Variants in MGAT4A observed in about 807,000 individuals in gnomAD.
The protein encoded by MGAT4A is N-acetylglucosaminyltransferase IVa.
In MGAT4A, 33 loss-of-function variants were observed where a neutral mutation model predicts 74.1. The observed-to-expected ratio is 0.45, with a 90% confidence interval of 0.34 to 0.60. The LOEUF is 0.60. MGAT4A is among the 20% of genes least tolerant of loss of function. The pLI, the probability that MGAT4A is intolerant of heterozygous loss-of-function variation, is 0.02. For synonymous variants in MGAT4A, 198 were observed against 210.4 expected (o/e 0.94, Z 0.51); for missense variants, 479 against 628.3 (o/e 0.76, Z 2.54).
At chr2:98,631,810 T>A (rs1436161454) in intron 14 of MGAT4A, among the ~76,000 whole-genome samples, 1 of 152,218 alleles carries the variant, frequency 6.6e-6, no homozygotes, top group East Asian at 1.9e-4. Context: ...AGAAAGCTTC[T>A]GTCCTTGTGA....
chr2:98,667,766 C>T (rs2104277974), intron 4 of MGAT4A, among the ~76,000 whole-genome samples: 1 of 152,034 alleles, frequency 6.6e-6, no homozygotes, highest in South Asian at 2.1e-4. Context: ...GTGGCCCAGG[C>T]TGGAGTGCAA....
At chr2:98,684,039 A>G (rs1237535549) in intron 2 of MGAT4A, among the ~76,000 whole-genome samples, 1 of 152,220 alleles carries the variant, frequency 6.6e-6, no homozygotes, top group African/African-American at 2.4e-5. Flanking sequence ...GGGCAACTTC[A>G]TATTCCATCT....
chr2:98,725,486 T>C (rs1477433262), intron 2 of MGAT4A, among the ~76,000 whole-genome samples: 1 of 152,090 alleles, frequency 6.6e-6, no homozygotes, highest in Non-Finnish European at 1.5e-5. Context: ...ATGACAGATA[T>C]TCTAACAAAC....
chr2:98,645,277 A>G (rs1575248010), intron 9 of MGAT4A, 151 bp downstream of exon 9: 1 of 535,342 alleles, frequency 1.9e-6, no homozygotes, highest in East Asian at 3.3e-5. Flanking sequence ...TCATCATGTC[A>G]TACAAAGAGG....
intron 2 of MGAT4A, among the ~76,000 whole-genome samples, chr2:98,700,425 C>T (rs1702337970): frequency 6.7e-6 from 1 of 149,532 alleles, no homozygotes; most frequent in Non-Finnish European, 1.5e-5. Context: ...ATTGCATTAT[C>T]TGTCTATCTA....
At chr2:98,701,340 A>T (rs1168045190) in intron 2 of MGAT4A, among the ~76,000 whole-genome samples, 1 of 152,214 alleles carries the variant, frequency 6.6e-6, no homozygotes, top group Non-Finnish European at 1.5e-5. Flanking sequence ...TATCCACTGT[A>T]TCCATTGCAC....
intron 12 of MGAT4A, among the ~76,000 whole-genome samples, chr2:98,639,022 C>T (rs1222067579): frequency 3.3e-5 from 5 of 152,314 alleles, no homozygotes; most frequent in South Asian, 2.1e-4. Context: ...CAATGGCTCA[C>T]GCCTATAATC....
chr2:98,704,770 A>G (rs1702399671), intron 2 of MGAT4A, among the ~76,000 whole-genome samples: 1 of 152,056 alleles, frequency 6.6e-6, no homozygotes, highest in African/African-American at 2.4e-5. Context: ...ATCCTGCCTC[A>G]ATTAAAAAAA....
intron 2 of MGAT4A, among the ~76,000 whole-genome samples, chr2:98,703,112 T>C (rs370484148): frequency 6.6e-6 from 1 of 152,172 alleles, no homozygotes; most frequent in East Asian, 1.9e-4. Flanking sequence ...ACAGTTACTA[T>C]AAATAAGTTA....
At chr2:98,672,752 T>G (rs1482539615) in intron 4 of MGAT4A, among the ~76,000 whole-genome samples, 4 of 152,324 alleles carry the variant, frequency 2.6e-5, no homozygotes. Flanking sequence ...TCTTTAGCTA[T>G]GTCTAGCTAA....
intron 2 of MGAT4A, among the ~76,000 whole-genome samples, chr2:98,724,848 C>T (rs1156252892): frequency 6.6e-6 from 1 of 151,628 alleles, no homozygotes; most frequent in African/African-American, 2.4e-5. Context: ...CATAAACAGA[C>T]TTTTAATAGC....
At chr2:98,651,710 T>C (rs1052876171) in intron 8 of MGAT4A, among the ~76,000 whole-genome samples, 1 of 152,200 alleles carries the variant, frequency 6.6e-6, no homozygotes, top group Admixed American at 6.5e-5. Flanking sequence ...TAAGTCTTTC[T>C]GTATTAGTAA....
chr2:98,698,403 C>A (rs1170826351), intron 2 of MGAT4A, among the ~76,000 whole-genome samples: 3 of 152,146 alleles, frequency 2.0e-5, no homozygotes, highest in Non-Finnish European at 4.4e-5. Flanking sequence ...GGCAACAGAG[C>A]AAGACTCCGT....
intron 2 of MGAT4A, among the ~76,000 whole-genome samples, chr2:98,706,338 G>C (rs1454737690): frequency 2.0e-5 from 3 of 152,062 alleles, no homozygotes; most frequent in Non-Finnish European, 4.4e-5. Context: ...ACCGAGGTGT[G>C]TCCCTCCGCA....
At chr2:98,723,514 G>A (rs1268245645) in intron 2 of MGAT4A, among the ~76,000 whole-genome samples, 2 of 152,118 alleles carry the variant, frequency 1.3e-5, no homozygotes, top group East Asian at 3.9e-4. Context: ...ACAGCATGTT[G>A]CTCCACACCT....
chr2:98,723,310 C>A (rs1702707111), intron 2 of MGAT4A, among the ~76,000 whole-genome samples: 1 of 152,154 alleles, frequency 6.6e-6, no homozygotes, highest in Non-Finnish European at 1.5e-5. Context: ...CATGCGCCAG[C>A]AAGATAGCAG....
chr2:98,672,007 C>A (rs1312129051), intron 4 of MGAT4A, among the ~76,000 whole-genome samples: 1 of 150,474 alleles, frequency 6.6e-6, no homozygotes, highest in Admixed American at 6.6e-5. Context: ...GAACACACCC[C>A]TCTTGACAAC....
At chr2:98,679,110 A>C (rs550498554) in intron 2 of MGAT4A, among the ~76,000 whole-genome samples, 7 of 152,232 alleles carry the variant, frequency 4.6e-5, no homozygotes, top group African/African-American at 1.4e-4. Context: ...CCAGGAGTTC[A>C]AGACCAGCCT....
intron 2 of MGAT4A, among the ~76,000 whole-genome samples, chr2:98,681,536 A>C (rs1383770042): frequency 6.6e-6 from 1 of 152,180 alleles, no homozygotes; most frequent in African/African-American, 2.4e-5. Context: ...CAAACACAGC[A>C]TGTGTCCAAA....
Sources: allele counts gnomAD v4.1 joint callset (sites outside exome capture counted in the v4.1 genomes callset), GRCh38; gene constraint gnomAD v4.1.1; transcripts MANE v1.5; gene names NCBI Gene and HGNC (gene_info 2026-07-23, HGNC 2026-07-21).